Variants in PTPRT observed in about 807,000 individuals in gnomAD.
The protein encoded by PTPRT is protein tyrosine phosphatase receptor type T.
In PTPRT, 56 loss-of-function variants were observed where a neutral mutation model predicts 176.8. That is an observed-to-expected ratio of 0.32 (90% CI 0.26 to 0.40). PTPRT has a LOEUF of 0.40. PTPRT is among the 10% of genes least tolerant of loss of function. The probability of loss-of-function intolerance (pLI) is 1.00; values close to 1 mark genes in which losing one functional copy is unlikely to be tolerated. For missense variants in PTPRT, 1,540 were observed against 1,908.2 expected (o/e 0.81, Z 3.60); for synonymous variants, 783 against 739.0 (o/e 1.06, Z -0.96).
chr20:42,279,106 C>T (rs993220418), intron 13 of PTPRT, among the ~76,000 whole-genome samples: 1 of 152,098 alleles, frequency 6.6e-6, no homozygotes. Context: ...TAAATCCAAA[C>T]CATCACTTAA....
At chr20:42,130,843 T>G (rs530425793) in intron 18 of PTPRT, among the ~76,000 whole-genome samples, 11 of 152,164 alleles carry the variant, frequency 7.2e-5, no homozygotes, top group Admixed American at 2.0e-4. Flanking sequence ...GGGAGGAGTT[T>G]GAAGTTAACC....
intron 9 of PTPRT, among the ~76,000 whole-genome samples, chr20:42,400,310 G>C (rs2058892655): frequency 6.6e-6 from 1 of 151,952 alleles, no homozygotes; most frequent in Non-Finnish European, 1.5e-5. Context: ...AAGCACAGTT[G>C]ATTGGTTGAT....
chr20:42,535,316 G>C (rs1420528262), intron 7 of PTPRT, among the ~76,000 whole-genome samples: 3 of 152,122 alleles, frequency 2.0e-5, no homozygotes, highest in Non-Finnish European at 4.4e-5. Context: ...ACACTGGGGA[G>C]TACTTGAGGG....
At chr20:42,513,952 T>C (rs2072010572) in intron 7 of PTPRT, among the ~76,000 whole-genome samples, 1 of 152,224 alleles carries the variant, frequency 6.6e-6, no homozygotes, top group Admixed American at 6.5e-5. Flanking sequence ...ATTTTGATAC[T>C]GGTGGCTATA....
intron 9 of PTPRT, among the ~76,000 whole-genome samples, chr20:42,408,533 T>G (rs1219384145): frequency 9.2e-5 from 14 of 151,846 alleles, no homozygotes; most frequent in Admixed American, 9.2e-4. Flanking sequence ...ACAAGGCATA[T>G]GAAGAATGAT....
intron 1 of PTPRT, among the ~76,000 whole-genome samples, chr20:42,942,461 C>T (rs936141488): frequency 3.9e-5 from 6 of 152,228 alleles, no homozygotes; most frequent in Admixed American, 3.9e-4. Flanking sequence ...TACCCCACCA[C>T]GTGTTCTTAC....
chr20:42,973,410 C>T (rs903742970), intron 1 of PTPRT, among the ~76,000 whole-genome samples: 2 of 152,128 alleles, frequency 1.3e-5, no homozygotes, highest in African/African-American at 4.8e-5. Flanking sequence ...CTGTTGCAAT[C>T]TCCACCCCAC....
At chr20:43,037,782 C>T (rs905461901) in intron 1 of PTPRT, among the ~76,000 whole-genome samples, 6 of 152,172 alleles carry the variant, frequency 3.9e-5, no homozygotes, top group African/African-American at 1.4e-4. Context: ...TCTCCAGCTT[C>T]CTTGTTCCAA....
chr20:42,098,298 C>G, intron 27 of PTPRT, 123 bp downstream of exon 27: 3 of 1,365,050 alleles, frequency 2.2e-6, no homozygotes, highest in Admixed American at 2.1e-5. Context: ...TGGCCAGACA[C>G]TGCTTATTAC....
the PTPRT span, among the ~76,000 whole-genome samples, chr20:42,058,147 A>G: frequency 2.0e-5 from 3 of 152,180 alleles, no homozygotes; most frequent in Non-Finnish European, 4.4e-5. Context: ...TCAGGTACTA[A>G]TGAGATGACC....
chr20:42,248,131 G>A (rs1338164525), intron 14 of PTPRT, among the ~76,000 whole-genome samples: 1 of 152,112 alleles, frequency 6.6e-6, no homozygotes, highest in African/African-American at 2.4e-5. Context: ...CAACCCAGCT[G>A]GGAAGGTTCT....
chr20:42,118,202 A>G (rs981112909), intron 21 of PTPRT, among the ~76,000 whole-genome samples: 5 of 152,212 alleles, frequency 3.3e-5, no homozygotes, highest in African/African-American at 1.2e-4. Context: ...ACGGAGAGTG[A>G]GGGTGTAAAA....
At chr20:43,181,555 G>A (rs2015259350) in intron 1 of PTPRT, among the ~76,000 whole-genome samples, 2 of 152,170 alleles carry the variant, frequency 1.3e-5, no homozygotes, top group African/African-American at 4.8e-5. Context: ...ATATGGCAAT[G>A]TGGCAAAATT....
In PTPRT at chr20:42,999,612, T is replaced by TG. The variant is rs199881893; in HGVS notation, c.89-113681_89-113680insC. Among the ~76,000 whole-genome samples, 296 of 141,880 alleles carry TG rather than the reference T, an allele frequency of 2.1e-3. 1 individual carries two copies. The highest frequency in any genetic ancestry group is 3.6e-3 in the Non-Finnish European group (230 of 64,650). 93.1% of individuals were successfully genotyped at this position (141,880 alleles called of 152,430 possible). On this transcript the variant is annotated intron_variant, in intron 1 of 30. Coordinates refer to ENST00000373187, the MANE Select transcript of PTPRT (RefSeq NM_007050.6). ...CTCTAAAAAAAAAACTTGTGGTTTTTTTTTTGTTGTTGTTGTTGTTGTGGT... is the reference window on the plus strand; with the variant it reads ...CTCTAAAAAAAAAACTTGTGGTTTTTGTTTTTGTTGTTGTTGTTGTTGTGGT...
At chr20:42,871,921 T>G (rs879268327) in intron 2 of PTPRT, among the ~76,000 whole-genome samples, 1 of 152,232 alleles carries the variant, frequency 6.6e-6, no homozygotes, top group East Asian at 1.9e-4. Context: ...TTTGCAGCTA[T>G]GATTTAGAAG....
intron 17 of PTPRT, among the ~76,000 whole-genome samples, chr20:42,160,355 C>T (rs1989536120): frequency 6.6e-6 from 1 of 152,146 alleles, no homozygotes; most frequent in South Asian, 2.1e-4. Flanking sequence ...GTGAGCTGCT[C>T]TTTGGTTCAG....
chr20:42,220,029 T>A (rs1029544457), intron 15 of PTPRT, among the ~76,000 whole-genome samples: 1 of 138,604 alleles, frequency 7.2e-6, no homozygotes, highest in African/African-American at 2.5e-5. Context: ...CTTATCTTTT[T>A]AAAAAAGTTA....
At chr20:42,118,632 C>A in intron 20 of PTPRT, 132 bp from the exon 21 acceptor site, 1 of 605,066 alleles carries the variant, frequency 1.7e-6, no homozygotes, top group South Asian at 2.2e-5. Context: ...TGTTAAGACA[C>A]CAAGTATCTG....
chr20:42,844,392 A>G (rs208259), intron 2 of PTPRT, among the ~76,000 whole-genome samples: 2,632 of 152,282 alleles, frequency 0.017, 77 homozygotes, highest in African/African-American at 0.057. Context: ...CAAAGCTCCC[A>G]CCGCCATAGC....
Sources: gnomAD v4.1 joint callset for allele counts (sites outside exome capture counted in the v4.1 genomes callset) on GRCh38, gnomAD v4.1.1 for gene constraint, MANE v1.5 for transcripts, NCBI Gene and HGNC (gene_info 2026-07-23, HGNC 2026-07-21) for gene names.